PIP5K1C: variants seen among roughly 807,000 people sequenced by gnomAD.
PIP5K1C encodes phosphatidylinositol 4-phosphate 5-kinase type-1 gamma.
Under a neutral mutation model 80.1 loss-of-function variants are expected in PIP5K1C, and 45 were observed. That is an observed-to-expected ratio of 0.56 (90% CI 0.44 to 0.72). The LOEUF (loss-of-function observed/expected upper bound fraction) is 0.72. PIP5K1C is among the 30% of genes least tolerant of loss of function. PIP5K1C has a pLI of 0.00. For synonymous variants in PIP5K1C, 498 were observed against 420.1 expected (o/e 1.19, Z -2.27); for missense variants, 753 against 954.6 (o/e 0.79, Z 2.78).
intron 1 of PIP5K1C, among the ~76,000 whole-genome samples, chr19:3,694,997 C>T (rs2036057815): frequency 1.3e-5 from 2 of 152,262 alleles, no homozygotes; most frequent in Admixed American, 1.3e-4. Context: ...AGCGTGGGGG[C>T]CACCAAGGCC....
chr19:3,639,584 G>C (rs1226947816), intron 15 of PIP5K1C, among the ~76,000 whole-genome samples: 1 of 151,714 alleles, frequency 6.6e-6, no homozygotes, highest in Non-Finnish European at 1.5e-5. Context: ...GGTGTGCACT[G>C]CTACACCCAA....
rs1425205651 is a variant in PIP5K1C, at chr19:3,692,772, GC to G, written c.94+7524del. 6.6e-6 allele frequency among the ~76,000 whole-genome samples: 1 copy of G among 151,882 alleles called. No individual in the cohort carries two copies. The highest frequency in any genetic ancestry group is 1.5e-5 in the Non-Finnish European group (1 of 67,954). On this transcript the variant is annotated intron_variant, in intron 1 of 17. Coordinates refer to ENST00000335312, the MANE Select transcript of PIP5K1C (RefSeq NM_012398.3). The surrounding 1 kb of genome is among the most constrained non-coding windows in gnomAD (Gnocchi z 5.2). ...GGCTCCCACCTCCCTTGGGGTCAAAGCCCAAGTCCTCCCTGCAGCCCACAAG... is the reference window on the plus strand; with the variant it reads ...GGCTCCCACCTCCCTTGGGGTCAAAGCCAAGTCCTCCCTGCAGCCCACAAG...
intron 1 of PIP5K1C, among the ~76,000 whole-genome samples, chr19:3,672,922 C>T (rs950657474): frequency 8.5e-6 from 1 of 117,114 alleles, no homozygotes; most frequent in East Asian, 2.8e-4. Flanking sequence ...GGGCAGGGCC[C>T]TGGAAGGCCC....
intron 1 of PIP5K1C, among the ~76,000 whole-genome samples, chr19:3,679,344 G>A (rs745515740): frequency 6.6e-6 from 1 of 152,180 alleles, no homozygotes; most frequent in Admixed American, 6.5e-5. Flanking sequence ...GGCCTTGCGC[G>A]TGCTGCGCCT....
At chr19:3,644,567 G>A (rs898788337) in intron 11 of PIP5K1C, among the ~76,000 whole-genome samples, 4 of 152,238 alleles carry the variant, frequency 2.6e-5, no homozygotes, top group Admixed American at 2.6e-4. Flanking sequence ...ATGCCTGCAG[G>A]CTTCAACCCC....
chr19:3,633,590 G>A lies in PIP5K1C; in HGVS notation c.1921-70C>T, dbSNP rs552869561. ...GCGAGGAGGTGCAAGAGAGGCAGAGGGAGGAAGGAAGAGACAGGAGAACAT... is the reference window on the plus strand; with the variant it reads ...GCGAGGAGGTGCAAGAGAGGCAGAGAGAGGAAGGAAGAGACAGGAGAACAT... On this transcript the variant is annotated intron_variant, in intron 16 of 17. Transcript: ENST00000335312. The A allele has an allele frequency of 5.6e-4, 602 of 1,073,724 alleles. 1 individual carries two copies. Among genetic ancestry groups the A allele is most frequent in the Non-Finnish European group, 7.2e-4 (577 of 799,124 alleles). The allele number at this position is 1,073,724 out of a possible 1,614,324, so 66.5% of individuals were successfully genotyped here. A position where few individuals can be genotyped will look rare whatever the true frequency, so the allele number is the denominator to read the frequency against.
chr19:3,662,947 C>T (rs1019487232), intron 3 of PIP5K1C, among the ~76,000 whole-genome samples: 14 of 152,174 alleles, frequency 9.2e-5, no homozygotes, highest in Non-Finnish European at 1.9e-4. Flanking sequence ...CTGCAACCTC[C>T]GCCTCCTGGG....
At chr19:3,698,743 G>A (rs928555548) in intron 1 of PIP5K1C, among the ~76,000 whole-genome samples, 2 of 152,174 alleles carry the variant, frequency 1.3e-5, no homozygotes, top group African/African-American at 2.4e-5. Flanking sequence ...ATGTGCTCAC[G>A]TCTCTGTGGC....
At position 3,633,534 on chromosome 19, in the gene PIP5K1C, G is replaced by T; in HGVS notation, c.1921-14C>A. 6.7e-7 allele frequency: 1 copy of T among 1,484,334 alleles called. No individual in the cohort carries two copies. The highest frequency in any genetic ancestry group is 2.2e-5 in the Admixed American group (1 of 45,132). The allele number at this position is 1,484,334 out of a possible 1,614,324, so 91.9% of individuals were successfully genotyped here. Reference sequence around the variant, plus strand: ...CTCATCGGTGGGCTGGCAGGTGGGCGCGCGTGCAGGAGGGCGCGGAAGAGC... The same window carrying T: ...CTCATCGGTGGGCTGGCAGGTGGGCTCGCGTGCAGGAGGGCGCGGAAGAGC... On this transcript the variant is annotated splice_polypyrimidine_tract_variant and intron_variant, in intron 16 of 17. Transcript: ENST00000335312.
At chr19:3,656,850 G>A (rs907939330) in intron 5 of PIP5K1C, among the ~76,000 whole-genome samples, 3 of 152,204 alleles carry the variant, frequency 2.0e-5, no homozygotes, top group Non-Finnish European at 4.4e-5. Context: ...GTGCTGACGC[G>A]CGTGGCTAAA....
At position 3,637,331 on chromosome 19, in the gene PIP5K1C, C is replaced by A. The variant is rs544800708; in HGVS notation, c.1920+1553G>T. The A allele has an allele frequency of 6.5e-7, 1 of 1,532,198 alleles. No homozygotes were observed. The highest frequency in any genetic ancestry group is 1.4e-5 in the African/African-American group (1 of 72,990). The allele number at this position is 1,532,198 out of a possible 1,614,324, so 94.9% of individuals were successfully genotyped here. A position where few individuals can be genotyped will look rare whatever the true frequency, so the allele number is the denominator to read the frequency against. The stretch of plus-strand genomic sequence containing the variant: ...TGGAGCGCCCGGTTCGACGTGGGAC[C>A]GAATGACATTCCCAGTGACGCATGC... On this transcript the variant is annotated intron_variant, in intron 16 of 17. Coordinates refer to ENST00000335312, the MANE Select transcript of PIP5K1C (RefSeq NM_012398.3). The surrounding 1 kb of genome is among the most constrained non-coding windows in gnomAD (Gnocchi z 7.0).
chr19:3,678,676 C>A (rs1249247630), intron 1 of PIP5K1C, among the ~76,000 whole-genome samples: 7 of 63,044 alleles, frequency 1.1e-4, no homozygotes, highest in African/African-American at 2.5e-4. Context: ...GGAGGGATGG[C>A]GAGATGGAGG....
chr19:3,664,759 T>C, intron 3 of PIP5K1C, 63 bp downstream of exon 3: 1 of 1,335,976 alleles, frequency 7.5e-7, no homozygotes, highest in Admixed American at 1.7e-5. Context: ...ATGCTACCAG[T>C]GGGATCCCCC....
In PIP5K1C at chr19:3,648,932, G is replaced by A. The variant is rs1320979388; in HGVS notation, c.1128-224C>T. Among the ~76,000 whole-genome samples the A allele has an allele frequency of 6.6e-6, 1 of 152,104 alleles. No homozygotes were observed. The highest frequency in any genetic ancestry group is 1.5e-5 in the Non-Finnish European group (1 of 67,984). ...GGCACTGCTGAGGAGTCCCAGCTAGGAGGCCTGGGCACATACCCCCTACAC... is the reference window on the plus strand; with the variant it reads ...GGCACTGCTGAGGAGTCCCAGCTAGAAGGCCTGGGCACATACCCCCTACAC... On this transcript the variant is annotated intron_variant, in intron 8 of 17. Transcript: ENST00000335312. This position sits in a 1 kb window ranked among gnomAD's most constrained non-coding sequence, Gnocchi z 4.3.
intron 3 of PIP5K1C, among the ~76,000 whole-genome samples, chr19:3,664,380 C>T (rs1259694411): frequency 2.0e-5 from 3 of 151,920 alleles, no homozygotes; most frequent in Non-Finnish European, 2.9e-5. Context: ...CTCAGTAAAA[C>T]GGTTACTTTT....
intron 14 of PIP5K1C, among the ~76,000 whole-genome samples, chr19:3,642,424 T>C (rs1434412663): frequency 1.3e-5 from 2 of 151,900 alleles, no homozygotes; most frequent in East Asian, 3.9e-4. Context: ...CACCCACCCC[T>C]GAGATCCCCG....
At chr19:3,646,086 G>C (rs895242426) in intron 10 of PIP5K1C, 28 bp from the exon 11 acceptor site, 4 of 1,438,682 alleles carry the variant, frequency 2.8e-6, no homozygotes, top group Non-Finnish European at 3.9e-6. Flanking sequence ...GGGGTGCCCG[G>C]GGGCAGAGGG....
chr19:3,672,990 G>A (rs947215659), intron 1 of PIP5K1C, among the ~76,000 whole-genome samples: 2 of 151,446 alleles, frequency 1.3e-5, no homozygotes, highest in African/African-American at 2.4e-5. Context: ...GAGAGCCCAC[G>A]GCAGGGGAGG....
At position 3,664,547 on chromosome 19, in the gene PIP5K1C, C is replaced by T. The variant is rs138189895; in HGVS notation, c.219+275G>A. 4.8e-3 allele frequency among the ~76,000 whole-genome samples: 738 copies of T among 152,286 alleles called. 1 individual carries two copies. The highest frequency in any genetic ancestry group is 0.024 in the Middle Eastern group (7 of 294). On this transcript the variant is annotated intron_variant, in intron 3 of 17. Transcript: ENST00000335312. ...CCCTCACCAGGGCCGAGAGCCCAGG[C>T]TCTGCCCGAGGTTTCAGGGACTCAG...
Sources: allele counts gnomAD v4.1 joint callset (sites outside exome capture counted in the v4.1 genomes callset), GRCh38; gene constraint gnomAD v4.1.1; non-coding constraint Gnocchi (gnomAD v3.1); transcripts MANE v1.5; gene names NCBI Gene and HGNC (gene_info 2026-07-23, HGNC 2026-07-21).